EHMT1: variants seen among roughly 807,000 people sequenced by gnomAD.
EHMT1 encodes the protein histone-lysine N-methyltransferase EHMT1.
In EHMT1, 15 loss-of-function variants were observed where a neutral mutation model predicts 147.2. The ratio of observed to expected loss-of-function variants is 0.10; its 90% confidence interval spans 0.07 to 0.16. The LOEUF (loss-of-function observed/expected upper bound fraction) is 0.16. EHMT1 is among the 10% of genes least tolerant of loss of function. EHMT1 has a pLI of 1.00. For synonymous variants in EHMT1, 795 were observed against 709.6 expected (o/e 1.12, Z -1.91); for missense variants, 1,587 against 1,772.4 (o/e 0.90, Z 1.88).
intron 4 of EHMT1, among the ~76,000 whole-genome samples, chr9:137,729,210 C>T (rs1175210691): frequency 6.6e-6 from 1 of 152,180 alleles, no homozygotes; most frequent in Non-Finnish European, 1.5e-5. Context: ...TCAGCCGGCC[C>T]TCGTGAATGC....
At chr9:137,752,241 G>A in intron 6 of EHMT1, 90 bp from the exon 7 acceptor site, 1 of 1,482,220 alleles carries the variant, frequency 6.7e-7, no homozygotes, top group Non-Finnish European at 9.3e-7. Context: ...CCGTTTCGAG[G>A]TTTGCTTTGG....
intron 5 of EHMT1, 59 bp downstream of exon 5, chr9:137,743,587 G>A (rs1948293420): frequency 7.4e-6 from 12 of 1,611,594 alleles, no homozygotes; most frequent in Non-Finnish European, 9.3e-6. Context: ...TCTGTGTTCA[G>A]GGCCTCGTTA....
intron 6 of EHMT1, chr9:137,745,479 G>A: frequency 5.0e-6 from 2 of 398,568 alleles, no homozygotes; most frequent in Non-Finnish European, 8.8e-6. Flanking sequence ...GAAGAAGCAT[G>A]AGGAAGAAAA....
At chr9:137,803,371 C>T in intron 18 of EHMT1, 1 of 882,752 alleles carries the variant, frequency 1.1e-6, no homozygotes, top group Non-Finnish European at 1.4e-6. Context: ...CCGCGCTTCA[C>T]AGCCATGCCC....
chr9:137,694,527 T>C (rs1264185845), intron 1 of EHMT1, among the ~76,000 whole-genome samples: 1 of 152,166 alleles, frequency 6.6e-6, no homozygotes. Flanking sequence ...GGCAGTCTTG[T>C]TGGTCAGCAA....
chr9:137,670,606 C>G (rs768603897), intron 1 of EHMT1, among the ~76,000 whole-genome samples: 36 of 152,206 alleles, frequency 2.4e-4, no homozygotes, highest in Non-Finnish European at 4.7e-4. Context: ...CCATCTGCGC[C>G]TCTCTCTTCT....
intron 25 of EHMT1, among the ~76,000 whole-genome samples, chr9:137,826,841 G>C (rs542743674): frequency 6.6e-6 from 1 of 152,370 alleles, no homozygotes; most frequent in Admixed American, 6.5e-5. Flanking sequence ...AACTGTCTGT[G>C]TGGAAGGGCC....
At chr9:137,620,535 G>T (rs567647184) in intron 1 of EHMT1, among the ~76,000 whole-genome samples, 2 of 152,262 alleles carry the variant, frequency 1.3e-5, no homozygotes, top group African/African-American at 4.8e-5. Flanking sequence ...CCCACCTCGG[G>T]TGCTGCCACA....
intron 4 of EHMT1, among the ~76,000 whole-genome samples, chr9:137,734,325 G>A (rs781655919): frequency 6.6e-6 from 1 of 152,186 alleles, no homozygotes; most frequent in Non-Finnish European, 1.5e-5. Flanking sequence ...AAATTCTGGA[G>A]CTAAAAAGTA....
intron 1 of EHMT1, among the ~76,000 whole-genome samples, chr9:137,645,719 G>A (rs1303738429): frequency 6.6e-6 from 1 of 151,986 alleles, no homozygotes; most frequent in African/African-American, 2.4e-5. Flanking sequence ...TACTTGCAGC[G>A]CTGAGTGGAG....
rs1486911558 is a variant in EHMT1 at position 137,636,064 on chromosome 9, GGT to G, written c.21+17017_21+17018del. On this transcript the variant is annotated intron_variant, in intron 1 of 26. Transcript: ENST00000460843. ...AGCCTCCTGAGTAGTTGGGATTACA[GGT>G]GCATGCCACCACGCCTTGCTAATTT... is the stretch of plus-strand genomic sequence containing the variant. Among the ~76,000 whole-genome samples, 4 of 151,622 alleles carry G rather than the reference GGT, an allele frequency of 2.6e-5. No homozygotes were observed. The East Asian group carries it at 8.0e-4, about 30-fold the overall frequency.
intron 10 of EHMT1, chr9:137,763,243 A>C: frequency 2.9e-6 from 1 of 349,506 alleles, no homozygotes; most frequent in Non-Finnish European, 5.4e-6. Flanking sequence ...CCCTCCTTTC[A>C]CCGGGGATCA....
At chr9:137,702,981 C>G (rs549181055) in intron 1 of EHMT1, among the ~76,000 whole-genome samples, 1 of 152,342 alleles carries the variant, frequency 6.6e-6, no homozygotes, top group Non-Finnish European at 1.5e-5. Flanking sequence ...TGGAGGCTCC[C>G]AAGCCTTAAC....
intron 1 of EHMT1, among the ~76,000 whole-genome samples, chr9:137,628,846 T>C (rs959127633): frequency 1.3e-5 from 2 of 152,226 alleles, no homozygotes; most frequent in African/African-American, 2.4e-5. Flanking sequence ...CTGGTTTCCT[T>C]CTTCTGCTTC....
At chr9:137,703,293 C>A (rs1016131428) in intron 1 of EHMT1, among the ~76,000 whole-genome samples, 1 of 152,230 alleles carries the variant, frequency 6.6e-6, no homozygotes, top group Non-Finnish European at 1.5e-5. Context: ...GCTCCTCATG[C>A]AAATTTCTGT....
Position 137,735,189 on chromosome 9 carries a change from C to T in EHMT1, c.823+6660C>T, listed in dbSNP as rs556371540. 8.5e-5 allele frequency among the ~76,000 whole-genome samples: 13 copies of T among 152,194 alleles called. No homozygotes were observed. In the East Asian group the frequency reaches 1.3e-3, roughly 16 times the overall value. On this transcript the variant is annotated intron_variant, in intron 4 of 26. Transcript: ENST00000460843. The stretch of plus-strand genomic sequence containing the variant: ...ATAACAAGAGACTAATGCATTTAAA[C>T]GAATTGTTTATGTTTTGGGGCACAG...
At chr9:137,811,023 T>A (rs1437555066) in intron 18 of EHMT1, among the ~76,000 whole-genome samples, 1 of 152,106 alleles carries the variant, frequency 6.6e-6, no homozygotes, top group Non-Finnish European at 1.5e-5. Flanking sequence ...TTAATCAAAT[T>A]TGCACGTCCT....
rs2137757829 is a variant in EHMT1, at chr9:137,814,514, G to A, written c.3258+6G>A. 6.2e-7 allele frequency: 1 copy of A among 1,604,716 alleles called. No individual in the cohort carries two copies. The highest frequency in any genetic ancestry group is 8.5e-7 in the Non-Finnish European group (1 of 1,179,986). On this transcript the variant is annotated splice_donor_region_variant and intron_variant, in intron 22 of 26. Coordinates refer to ENST00000460843, the MANE Select transcript of EHMT1 (RefSeq NM_024757.5). ...TGCGCTGCTGGTACGACAAGGTGAG[G>A]GCGGCCTCGTGTGCGTGGGCTCAGG...
intron 1 of EHMT1, among the ~76,000 whole-genome samples, chr9:137,675,815 G>A (rs1941231319): frequency 1.9e-5 from 2 of 107,344 alleles, no homozygotes; most frequent in African/African-American, 4.5e-5. Context: ...ACGGAGTCTC[G>A]CTCTGTCGCC....
Sources: allele counts gnomAD v4.1 joint callset (sites outside exome capture counted in the v4.1 genomes callset), GRCh38; gene constraint gnomAD v4.1.1; transcripts MANE v1.5; gene names NCBI Gene and HGNC (gene_info 2026-07-23, HGNC 2026-07-21).